The following MIR2052HG variants were observed in gnomAD, a reference collection of about 807,000 sequenced individuals.
MIR2052HG encodes the protein MIR2052 host gene.
chr8:74,737,353 A>G (rs185584027), intron 4 of MIR2052HG, among the ~76,000 whole-genome samples: 3 of 152,166 alleles, frequency 2.0e-5, no homozygotes, highest in East Asian at 3.9e-4. Context: ...AAGATTCTGT[A>G]TCCTGCCCTT....
intron 2 of MIR2052HG, among the ~76,000 whole-genome samples, chr8:74,700,439 T>G (rs565934563): frequency 2.1e-4 from 32 of 152,192 alleles, no homozygotes; most frequent in Non-Finnish European, 3.5e-4. Context: ...TAAACTTTTC[T>G]GATAGCCACA....
chr8:74,641,032 G>A (rs1041885464), intron 2 of MIR2052HG, among the ~76,000 whole-genome samples: 1 of 152,050 alleles, frequency 6.6e-6, no homozygotes, highest in African/African-American at 2.4e-5. Context: ...TATTAAGATG[G>A]GTACTTTTTA....
intron 1 of MIR2052HG, chr8:74,609,771 C>A (rs1808166122): frequency 6.7e-6 from 1 of 149,544 alleles, no homozygotes; most frequent in South Asian, 2.1e-4. Context: ...TTATTCTTAA[C>A]CTAAAACTCT....
intron 2 of MIR2052HG, among the ~76,000 whole-genome samples, chr8:74,655,421 C>T (rs1305000990): frequency 2.6e-5 from 4 of 152,124 alleles, no homozygotes; most frequent in Admixed American, 2.6e-4. Context: ...GGCCCAGGGT[C>T]CCCATGCTGT....
chr8:74,705,407 A>G (rs1448136723), intron 4 of MIR2052HG, among the ~76,000 whole-genome samples: 1 of 152,064 alleles, frequency 6.6e-6, no homozygotes, highest in Non-Finnish European at 1.5e-5. Flanking sequence ...CAAAAATTGA[A>G]CTGGATGTAA....
chr8:74,699,050 A>G (rs1586917102), intron 2 of MIR2052HG, among the ~76,000 whole-genome samples: 1 of 152,182 alleles, frequency 6.6e-6, no homozygotes, highest in Admixed American at 6.5e-5. Flanking sequence ...AATCAAAACC[A>G]CAATGTGATA....
At chr8:74,619,005 C>G (rs1056136856) in intron 2 of MIR2052HG, among the ~76,000 whole-genome samples, 1 of 152,192 alleles carries the variant, frequency 6.6e-6, no homozygotes, top group East Asian at 1.9e-4. Flanking sequence ...TAACAATGAA[C>G]TATTTGAGAA....
At chr8:74,654,452 C>T (rs984444253) in intron 2 of MIR2052HG, among the ~76,000 whole-genome samples, 3 of 152,058 alleles carry the variant, frequency 2.0e-5, no homozygotes, top group Admixed American at 6.6e-5. Context: ...GGAACTCCCC[C>T]GTGTTGTGGG....
At chr8:74,606,264 A>G (rs1017323160) in intron 1 of MIR2052HG, among the ~76,000 whole-genome samples, 2 of 152,278 alleles carry the variant, frequency 1.3e-5, no homozygotes, top group Non-Finnish European at 2.9e-5. Flanking sequence ...GCTGGGAGTC[A>G]GCTTGCACAA....
chr8:74,734,761 G>C (rs968376284), intron 4 of MIR2052HG, among the ~76,000 whole-genome samples: 4 of 152,238 alleles, frequency 2.6e-5, no homozygotes, highest in Non-Finnish European at 5.9e-5. Context: ...AGGAGCCCCT[G>C]CTGACCCATG....
At chr8:74,715,308 C>T (rs1179996132) in intron 4 of MIR2052HG, among the ~76,000 whole-genome samples, 1 of 152,086 alleles carries the variant, frequency 6.6e-6, no homozygotes, top group African/African-American at 2.4e-5. Flanking sequence ...TAAAGGAAGA[C>T]ATTGATTAGA....
chr8:74,715,323 C>T (rs73687255), intron 4 of MIR2052HG, among the ~76,000 whole-genome samples: 1,603 of 152,252 alleles, frequency 0.011, 32 homozygotes, highest in African/African-American at 0.036. Flanking sequence ...ATTAGATTGG[C>T]AACAGAATCC....
chr8:74,755,826 T>A (rs1809994172), intron 5 of MIR2052HG, among the ~76,000 whole-genome samples: 1 of 152,182 alleles, frequency 6.6e-6, no homozygotes, highest in Non-Finnish European at 1.5e-5. Context: ...AGTGGTGTCA[T>A]GAGGTAATTG....
intron 2 of MIR2052HG, among the ~76,000 whole-genome samples, chr8:74,665,177 CT>C (rs1462326042): frequency 6.6e-6 from 1 of 152,122 alleles, no homozygotes; most frequent in Non-Finnish European, 1.5e-5. Context: ...TAATCTCTGC[CT>C]TTTTTGATTT....
chr8:74,662,775 A>C (rs1305253924), intron 2 of MIR2052HG, among the ~76,000 whole-genome samples: 1 of 151,768 alleles, frequency 6.6e-6, no homozygotes, highest in African/African-American at 2.4e-5. Context: ...GGAGGGGCTT[A>C]TGTGGGCACT....
chr8:74,671,113 C>CGTGTGTGT (rs34920389), intron 2 of MIR2052HG, among the ~76,000 whole-genome samples: 3 of 148,444 alleles, frequency 2.0e-5, no homozygotes, highest in African/African-American at 7.4e-5. Flanking sequence ...TGAGAGTGTA[C>CGTGTGTGT]GTGTGTGTGT....
At chr8:74,603,011 C>CAAAAA (rs1808045395) in intron 1 of MIR2052HG, among the ~76,000 whole-genome samples, 1 of 101,676 alleles carries the variant, frequency 9.8e-6, no homozygotes, top group African/African-American at 4.0e-5. Flanking sequence ...ATTCATGAGC[C>CAAAAA]AAAACAAAAC....
intron 2 of MIR2052HG, among the ~76,000 whole-genome samples, chr8:74,655,059 G>C (rs1477580782): frequency 1.3e-5 from 2 of 152,170 alleles, no homozygotes; most frequent in Non-Finnish European, 2.9e-5. Context: ...CTAGAGATTT[G>C]TGGAACTTTG....
intron 5 of MIR2052HG, among the ~76,000 whole-genome samples, chr8:74,754,542 T>C (rs1411861150): frequency 6.6e-6 from 1 of 152,238 alleles, no homozygotes; most frequent in Non-Finnish European, 1.5e-5. Context: ...GAATAGGTTC[T>C]ATGGAAATGA....
Sources: gnomAD v4.1 joint callset for allele counts (sites outside exome capture counted in the v4.1 genomes callset) on GRCh38, gnomAD v4.1.1 for gene constraint, MANE v1.5 for transcripts, NCBI Gene and HGNC (gene_info 2026-07-23, HGNC 2026-07-21) for gene names.